SRPRB: variants seen among roughly 807,000 people sequenced by gnomAD.
The protein encoded by SRPRB is signal recognition particle receptor subunit beta.
Under a neutral mutation model 31.9 loss-of-function variants are expected in SRPRB, and 20 were observed. The ratio of observed to expected loss-of-function variants is 0.63; its 90% CI spans 0.44 to 0.91. The LOEUF (loss-of-function observed/expected upper bound fraction) is 0.91, where lower values mean the gene tolerates loss of function less well. SRPRB is among the 40% of genes least tolerant of loss of function. The pLI is 0.00. For synonymous variants in SRPRB, 146 were observed against 132.8 expected (o/e 1.10, Z -0.68); for missense variants, 321 against 324.9 (o/e 0.99, Z 0.09).
downstream of SRPRB, chr3:133,826,130 TGCCGAAGGGA>T (rs1281344895): frequency 6.6e-6 from 1 of 152,160 alleles, no homozygotes; most frequent in Non-Finnish European, 1.5e-5. Context: ...AAACCGCACG[TGCCGAAGGGA>T]GCGCCATGGA....
At chr3:133,812,692 A>G (rs1431092550) in intron 4 of SRPRB, among the ~76,000 whole-genome samples, 1 of 152,216 alleles carries the variant, frequency 6.6e-6, no homozygotes, top group East Asian at 1.9e-4. Context: ...CCCCTCCCCC[A>G]TCTTTTAAAC....
chr3:133,806,687 C>T lies in SRPRB; in HGVS notation c.233C>T (p.Thr78Met), dbSNP rs766679783. The change falls in exon 2 of 7, where the codon ACG becomes ATG. Residue 78 changes from threonine to methionine, a missense_variant. By Grantham distance (81) the Thr-to-Met change is moderately conservative (BLOSUM62 -1). Coordinates refer to ENST00000678299, the MANE Select transcript of SRPRB (RefSeq NM_001379313.1). ...LLVGLCDSGK[T>M]LLFVRLLTGL... ...GTTGGCCTTTGTGATTCCGGGAAAA[C>T]GTTGCTCTTTGTCAGGGTAAATGAT... 2 of 1,614,008 alleles carry T rather than the reference C, an allele frequency of 1.2e-6. No homozygotes were observed. Among genetic ancestry groups the T allele is most frequent in the Non-Finnish European group, 1.7e-6 (2 of 1,179,900 alleles).
intron 1 of SRPRB, among the ~76,000 whole-genome samples, chr3:133,806,346 C>T (rs1935158344): frequency 2.6e-5 from 4 of 152,212 alleles, no homozygotes; most frequent in African/African-American, 9.7e-5. Flanking sequence ...CCCGTGTTTG[C>T]GTGCGGGCGC....
Position 133,820,003 on chromosome 3 carries a change from C to G in SRPRB, c.*237C>G. 1 of 486,672 alleles carries G rather than the reference C, an allele frequency of 2.1e-6. No individual in the cohort carries two copies. The highest frequency in any genetic ancestry group is 3.4e-5 in the Admixed American group (1 of 29,776). The allele number at this position is 486,672 out of a possible 1,614,324, so 30.1% of individuals were successfully genotyped here. On this transcript the variant is annotated 3_prime_UTR_variant, in exon 7 of 7. Transcript: ENST00000678299. ...CCTTTTATCTGATGCCTGTATCTTC[C>G]CTTTGTTAAGGTGTAACTTGATGTA...
At chr3:133,788,346 C>T (rs1934739397) in intron 1 of SRPRB, 1 of 152,214 alleles carries the variant, frequency 6.6e-6, no homozygotes, top group Non-Finnish European at 1.5e-5. Context: ...TACCAAGTAA[C>T]CAATGGAAAC....
Position 133,791,830 on chromosome 3 carries a change from TTA to T in SRPRB, c.-174+7690_-174+7691del, listed in dbSNP as rs574966669. 136 of 152,334 alleles carry T rather than the reference TTA, an allele frequency of 8.9e-4. 1 individual carries two copies. The highest frequency in any genetic ancestry group is 3.0e-3 in the African/African-American group (125 of 41,578). 9.4% of individuals were successfully genotyped at this position (152,334 alleles called of 1,614,324 possible). On this transcript the variant is annotated intron_variant, in intron 1 of 7. Coordinates refer to the SRPRB transcript ENST00000466490. ...AGTCCTTTATCTTCTGTCTGTGTAT[TTA>T]TATGTGTTGTGTGTGTACTATAAAA...
At position 133,819,433 on chromosome 3, in the gene SRPRB, T is replaced by C. The variant is rs368638746; in HGVS notation, c.603-120T>C. ...GCAAAGGATTATTCAACAATCTTAATAGCATAATTGGCAATTCTATAGTTA... is the reference window on the plus strand; with the variant it reads ...GCAAAGGATTATTCAACAATCTTAACAGCATAATTGGCAATTCTATAGTTA... On this transcript the variant is annotated intron_variant, in intron 6 of 6. Transcript: ENST00000678299. 4.4e-5 allele frequency: 32 copies of C among 726,892 alleles called. No individual in the cohort carries two copies. The African/African-American group carries it at 5.2e-4, about 12-fold the overall frequency. 45.0% of individuals were successfully genotyped at this position (726,892 alleles called of 1,614,324 possible).
At chr3:133,798,333 C>A (rs909096014) in intron 1 of SRPRB, among the ~76,000 whole-genome samples, 1 of 152,170 alleles carries the variant, frequency 6.6e-6, no homozygotes, top group Non-Finnish European at 1.5e-5. Context: ...ATGTGCATCT[C>A]TTTCGGCTGT....
downstream of SRPRB, among the ~76,000 whole-genome samples, chr3:133,822,172 A>T (rs1256884775): frequency 6.6e-6 from 1 of 152,134 alleles, no homozygotes; most frequent in Non-Finnish European, 1.5e-5. Context: ...AGACGGGCCA[A>T]CTAGGCACGA....
chr3:133,805,685 G>C, upstream of SRPRB: 1 of 788,412 alleles, frequency 1.3e-6, no homozygotes. Context: ...GGAGGACGGA[G>C]TCCCAGAGAA....
At chr3:133,815,855 A>G in intron 5 of SRPRB, 129 bp downstream of exon 5, 1 of 1,134,850 alleles carries the variant, frequency 8.8e-7, no homozygotes, top group South Asian at 1.8e-5. Flanking sequence ...CTATAAATTG[A>G]AGGATTTTTA....
rs775317248 is a variant in SRPRB, at chr3:133,805,946, C to G, written c.98C>G (p.Thr33Arg). The G allele has an allele frequency of 4.3e-6, 7 of 1,613,822 alleles. No homozygotes were observed. The African/African-American group carries it at 8.0e-5, about 18-fold the overall frequency. Residue 33 changes from threonine (T) to arginine (R), a missense_variant, in exon 1 of 7, where the codon ACG becomes AGG. Thr to Arg is a moderately conservative substitution (Grantham distance 71). Coordinates refer to ENST00000678299, the MANE Select transcript of SRPRB (RefSeq NM_001379313.1). ...ACCTTGCGGCAGGAGCTGCAGCAGA[C>G]GGACCCAACGCTGTTGTCAGTAGTG... ...LDTLRQELQQ[T>R]DPTLLSVVVA...
chr3:133,816,858 G>A lies in SRPRB; in HGVS notation c.548-20G>A. ...ACTCATTCTCGTTTAAACTACAACA[G>A]TGTCTTTATTTCTTTACAGATATTG... On this transcript the variant is annotated intron_variant, in intron 5 of 6. Transcript: ENST00000678299. The A allele has an allele frequency of 6.3e-7, 1 of 1,598,100 alleles. No homozygotes were observed. Among genetic ancestry groups the A allele is most frequent in the South Asian group, 1.1e-5 (1 of 87,678 alleles).
At chr3:133,817,990 C>T (rs962603266) in intron 6 of SRPRB, among the ~76,000 whole-genome samples, 1 of 152,228 alleles carries the variant, frequency 6.6e-6, no homozygotes, top group African/African-American at 2.4e-5. Context: ...TAATTTCTGG[C>T]TCTTTGCAGA....
chr3:133,815,869 T>C, intron 5 of SRPRB, 143 bp downstream of exon 5: 1 of 1,037,000 alleles, frequency 9.6e-7, no homozygotes, highest in East Asian at 2.6e-5. Flanking sequence ...ATTTTTAATC[T>C]TAAAATTTAT....
chr3:133,828,208 G>C, downstream of SRPRB: 2 of 568,950 alleles, frequency 3.5e-6, no homozygotes, highest in Non-Finnish European at 6.3e-6. Context: ...ACAAGAGTCA[G>C]AGCTACCTTT....
chr3:133,784,471 A>AAAATAAT (rs763086171), intron 1 of SRPRB: 2 of 105,602 alleles, frequency 1.9e-5, no homozygotes, highest in African/African-American at 7.5e-5. Context: ...TTTGTTAAAA[A>AAAATAAT]AATAATAATA....
intron 6 of SRPRB, among the ~76,000 whole-genome samples, chr3:133,818,456 C>T (rs974106994): frequency 8.5e-5 from 13 of 152,288 alleles, no homozygotes; most frequent in African/African-American, 3.1e-4. Flanking sequence ...AATTCGGAAT[C>T]TGACTAATTT....
At chr3:133,824,291 C>T (rs2107980173), downstream of SRPRB, 1 of 152,356 alleles carries the variant, frequency 6.6e-6, no homozygotes, top group African/African-American at 2.4e-5. Context: ...GTCTTTTCCA[C>T]ATTTTACACA....
Sources: allele counts gnomAD v4.1 joint callset (sites outside exome capture counted in the v4.1 genomes callset), GRCh38; gene constraint gnomAD v4.1.1; transcripts MANE v1.5; gene names NCBI Gene and HGNC (gene_info 2026-07-23, HGNC 2026-07-21).